Variants in ELOC observed in about 807,000 individuals in gnomAD.
ELOC encodes the protein elongin-C.
For synonymous variants in ELOC, 40 were observed against 51.3 expected, an observed-to-expected ratio of 0.78 and a Z score of 0.94; for missense variants, 38 against 139.0, an observed-to-expected ratio of 0.27 and a Z score of 3.65.
chr8:73,961,352 G>A (rs995203886), intron 1 of ELOC, among the ~76,000 whole-genome samples: 5 of 152,164 alleles, frequency 3.3e-5, no homozygotes, highest in Admixed American at 1.3e-4. Flanking sequence ...CGCAGAAAAG[G>A]AACTTGCAAG....
intron 3 of ELOC, among the ~76,000 whole-genome samples, chr8:73,955,219 C>G (rs1042161801): frequency 3.9e-5 from 6 of 152,014 alleles, no homozygotes; most frequent in Non-Finnish European, 8.8e-5. Flanking sequence ...CTGTAATCCC[C>G]GCACTTTGCG....
At chr8:73,957,832 A>C (rs1814301217) in intron 2 of ELOC, among the ~76,000 whole-genome samples, 1 of 152,080 alleles carries the variant, frequency 6.6e-6, no homozygotes. Flanking sequence ...GTTGTGGAGT[A>C]CAGTGGCACA....
intron 3 of ELOC, among the ~76,000 whole-genome samples, chr8:73,953,448 G>A (rs556843304): frequency 2.0e-5 from 3 of 152,180 alleles, no homozygotes; most frequent in South Asian, 2.1e-4. Flanking sequence ...AGGCTGAGGC[G>A]GGCGGGTCAC....
chr8:73,957,087 G>A (rs1814240827), intron 2 of ELOC, among the ~76,000 whole-genome samples: 1 of 151,800 alleles, frequency 6.6e-6, no homozygotes, highest in Admixed American at 6.6e-5. Flanking sequence ...GCAGGAGAAT[G>A]GCATGAACAC....
chr8:73,952,340 G>A (rs118027082), intron 3 of ELOC, among the ~76,000 whole-genome samples: 2,501 of 152,000 alleles, frequency 0.016, 42 homozygotes, highest in Middle Eastern at 0.068. Flanking sequence ...CAGTGAGGTG[G>A]AGGGTGCAGT....
intron 1 of ELOC, 33 bp from the exon 2 acceptor site, chr8:73,959,851 T>C (rs1202601776): frequency 1.6e-6 from 2 of 1,213,274 alleles, no homozygotes. Context: ...TTAAGATTAA[T>C]GTTGCAAGAG....
At chr8:73,954,864 C>T (rs778567659) in intron 3 of ELOC, among the ~76,000 whole-genome samples, 22 of 151,100 alleles carry the variant, frequency 1.5e-4, no homozygotes, top group Non-Finnish European at 2.7e-4. Flanking sequence ...AAAACCCCGT[C>T]TCTACTAAAA....
At position 73,956,999 on chromosome 8, in the gene ELOC, G is replaced by A. The variant is rs558171553; in HGVS notation, c.5-945C>T. On this transcript the variant is annotated intron_variant, in intron 2 of 3. Coordinates refer to ENST00000520242, the MANE Select transcript of ELOC (RefSeq NM_005648.4). ...ATCCTGGCTAACACGGTGAAACCCC[G>A]TCTCTACTAAAAATACAAAAAAAAT... 6.0e-3 allele frequency among the ~76,000 whole-genome samples: 909 copies of A among 150,568 alleles called. 13 individuals are homozygous for A. Among genetic ancestry groups the A allele is most frequent in the African/African-American group, 0.021 (863 of 40,944 alleles).
chr8:73,957,898 C>T (rs1814306224), intron 2 of ELOC, among the ~76,000 whole-genome samples: 1 of 152,222 alleles, frequency 6.6e-6, no homozygotes, highest in Admixed American at 6.5e-5. Flanking sequence ...CCTGCCTCAG[C>T]CTCCCGAGCA....
intron 1 of ELOC, among the ~76,000 whole-genome samples, chr8:73,961,631 A>C (rs1814605217): frequency 6.6e-6 from 1 of 151,872 alleles, no homozygotes; most frequent in African/African-American, 2.4e-5. Context: ...TGCCCGCCTC[A>C]GCCTCCCCAG....
intron 1 of ELOC, among the ~76,000 whole-genome samples, chr8:73,967,941 C>G (rs894928462): frequency 2.0e-5 from 3 of 152,200 alleles, no homozygotes; most frequent in South Asian, 2.1e-4. Flanking sequence ...TGCAGTCCCC[C>G]ATTCCTCGAG....
intron 1 of ELOC, among the ~76,000 whole-genome samples, chr8:73,971,306 C>T (rs1815384627): frequency 6.6e-6 from 1 of 152,110 alleles, no homozygotes. Context: ...GAGGCTGAGG[C>T]AGGAGAATCA....
chr8:73,964,340 C>G (rs528931696), intron 1 of ELOC: 1 of 151,640 alleles, frequency 6.6e-6, no homozygotes, highest in African/African-American at 2.4e-5. Flanking sequence ...AAAGGACAGT[C>G]TCTTCAACAA....
chr8:73,958,092 G>GTTTT (rs34797762), intron 2 of ELOC, among the ~76,000 whole-genome samples: 16 of 134,106 alleles, frequency 1.2e-4, no homozygotes, highest in Non-Finnish European at 2.4e-4. Context: ...TTTATTTATG[G>GTTTT]TTTTTTTTTT....
rs1194143060 is a variant in ELOC, at chr8:73,945,875, AG to A, written c.*754del. On this transcript the variant is annotated 3_prime_UTR_variant, in exon 4 of 4. Transcript: ENST00000520242. ...GTATAATCACAACAAGGGACTATGA[AG>A]GAAGAATAAATATTGCAAACGACGC... 2.0e-5 allele frequency: 3 copies of A among 152,044 alleles called. No individual in the cohort carries two copies. Among genetic ancestry groups the A allele is most frequent in the African/African-American group, 7.3e-5 (3 of 41,314 alleles). The allele number at this position is 152,044 out of a possible 1,614,324, so 9.4% of individuals were successfully genotyped here. A position where few individuals can be genotyped will look rare whatever the true frequency, so the allele number is the denominator to read the frequency against.
chr8:73,966,615 C>G (rs1814992702), intron 1 of ELOC, among the ~76,000 whole-genome samples: 1 of 151,576 alleles, frequency 6.6e-6, no homozygotes, highest in Admixed American at 6.6e-5. Flanking sequence ...TCCTGAGTAG[C>G]CTGCTACCAA....
intron 1 of ELOC, among the ~76,000 whole-genome samples, chr8:73,961,258 A>T (rs1481954170): frequency 6.6e-6 from 1 of 152,202 alleles, no homozygotes; most frequent in Non-Finnish European, 1.5e-5. Context: ...AGCATTTCCT[A>T]ACTATCATGC....
intron 1 of ELOC, among the ~76,000 whole-genome samples, chr8:73,967,701 C>A (rs1476461923): frequency 3.3e-5 from 5 of 152,152 alleles, no homozygotes; most frequent in Admixed American, 6.5e-5. Context: ...CTCCTGACCT[C>A]TGGTAATCCG....
chr8:73,957,366 G>A (rs964892925), intron 2 of ELOC, among the ~76,000 whole-genome samples: 2 of 151,926 alleles, frequency 1.3e-5, no homozygotes, highest in Non-Finnish European at 2.9e-5. Context: ...TATATATAGA[G>A]TAAAAGTTAC....
Sources: allele counts gnomAD v4.1 joint callset (sites outside exome capture counted in the v4.1 genomes callset), GRCh38; gene constraint gnomAD v4.1.1; transcripts MANE v1.5; gene names NCBI Gene and HGNC (gene_info 2026-07-23, HGNC 2026-07-21).